THRAP3: variants seen among roughly 807,000 people sequenced by gnomAD.
THRAP3 encodes the protein thyroid hormone receptor associated protein 3, also known as thyroid hormone receptor-associated protein 3.
In THRAP3, 16 loss-of-function variants were observed where a neutral mutation model predicts 101.0. That is an observed-to-expected ratio of 0.16 (90% confidence interval 0.11 to 0.24). THRAP3 has a LOEUF of 0.24. Ranked by LOEUF, THRAP3 falls within the 10% of genes least tolerant of loss-of-function variation. The pLI is 1.00. For synonymous variants in THRAP3, 407 were observed against 422.6 expected (o/e 0.96, Z 0.45); for missense variants, 989 against 1,202.7 (o/e 0.82, Z 2.63).
intron 1 of THRAP3, among the ~76,000 whole-genome samples, chr1:36,243,607 A>G (rs892727756): frequency 2.0e-5 from 3 of 152,172 alleles, no homozygotes; most frequent in African/African-American, 7.2e-5. Context: ...CCTTCTACAC[A>G]GACACGGCAA....
chr1:36,301,576 C>A lies in THRAP3; in HGVS notation c.2526C>A (p.Gly842=). The A allele has an allele frequency of 6.2e-7, 1 of 1,613,980 alleles. No homozygotes were observed. Among genetic ancestry groups the A allele is most frequent in the South Asian group, 1.1e-5 (1 of 91,068 alleles). The change falls in exon 11 of 12, where the codon GGC becomes GGA. Residue 842 remains glycine (G), a synonymous_variant. Transcript: ENST00000354618. ...GTFQFRARGR[G]WGRGNYSGNN... is the part of the protein sequence containing the mutation. The stretch of plus-strand genomic sequence containing the variant: ...AGCAGTTTCGAGCCAGAGGAAGAGG[C>A]TGGGGCAGAGGCAACTACTCTGGGA...
intron 4 of THRAP3, chr1:36,288,793 A>C (rs2124605392): frequency 1.0e-6 from 1 of 985,478 alleles, no homozygotes. Flanking sequence ...TATCCTAAAA[A>C]TAACTTTTGT....
chr1:36,242,486 T>C (rs1430710192), intron 1 of THRAP3, among the ~76,000 whole-genome samples: 1 of 144,288 alleles, frequency 6.9e-6, no homozygotes, highest in Non-Finnish European at 1.5e-5. Flanking sequence ...GGAGTCTTGC[T>C]CTGTCGCCCA....
intron 11 of THRAP3, among the ~76,000 whole-genome samples, chr1:36,302,235 C>T (rs1353695776): frequency 1.3e-5 from 2 of 152,210 alleles, no homozygotes; most frequent in Non-Finnish European, 2.9e-5. Flanking sequence ...TGAGTGAGCT[C>T]TCTTGGCCTT....
At chr1:36,274,076 TCACACACACACACAC>T (rs1645624915) in intron 2 of THRAP3, among the ~76,000 whole-genome samples, 2 of 44,744 alleles carry the variant, frequency 4.5e-5, no homozygotes, top group Non-Finnish European at 1.3e-4. Flanking sequence ...TGTGTGTGTG[TCACACACACACACAC>T]ACACACACAC....
chr1:36,244,067 G>A (rs1557813601), intron 1 of THRAP3, among the ~76,000 whole-genome samples: 1 of 152,164 alleles, frequency 6.6e-6, no homozygotes, highest in African/African-American at 2.4e-5. Context: ...GCCGGGCAGA[G>A]GGGCTCCTTG....
intron 1 of THRAP3, among the ~76,000 whole-genome samples, chr1:36,244,226 A>C (rs1475372205): frequency 1.3e-5 from 2 of 152,244 alleles, no homozygotes. Context: ...TAACTAGGAG[A>C]ATCATAATAT....
chr1:36,241,192 CAAA>C (rs35954224), intron 1 of THRAP3, among the ~76,000 whole-genome samples: 1 of 123,302 alleles, frequency 8.1e-6, no homozygotes. Context: ...GACTCCGTTT[CAAA>C]AAAAAAAAAA....
chr1:36,240,735 T>A (rs530855089), intron 1 of THRAP3, among the ~76,000 whole-genome samples: 2 of 149,420 alleles, frequency 1.3e-5, no homozygotes, highest in African/African-American at 4.9e-5. Flanking sequence ...ATATTTTGGA[T>A]TTTTTTTTTC....
intron 2 of THRAP3, among the ~76,000 whole-genome samples, chr1:36,267,436 A>G (rs1222139848): frequency 6.6e-6 from 1 of 152,174 alleles, no homozygotes; most frequent in Non-Finnish European, 1.5e-5. Flanking sequence ...GTAAAAACAC[A>G]TGCACCAAAT....
At chr1:36,298,290 C>T (rs993501252) in intron 9 of THRAP3, among the ~76,000 whole-genome samples, 3 of 151,994 alleles carry the variant, frequency 2.0e-5, no homozygotes, top group Non-Finnish European at 4.4e-5. Flanking sequence ...AAAGAACCTG[C>T]GAATCCTCAG....
rs532515099 is a variant in THRAP3 at position 36,254,031 on chromosome 1, C to G, written c.-134-5351C>G. Among the ~76,000 whole-genome samples the G allele has an allele frequency of 3.9e-5, 6 of 152,246 alleles. No homozygotes were observed. In the East Asian group the frequency reaches 1.2e-3, roughly 29 times the overall value. On this transcript the variant is annotated intron_variant, in intron 1 of 11. Coordinates refer to ENST00000354618, the MANE Select transcript of THRAP3 (RefSeq NM_005119.4). Reference sequence around the variant, plus strand: ...GTGGTTCTTGTTGAAAAATTTCATACTCAGCCCTGAGCTTTTCAAGAAACA... The same window carrying G: ...GTGGTTCTTGTTGAAAAATTTCATAGTCAGCCCTGAGCTTTTCAAGAAACA...
chr1:36,288,353 T>C (rs781642346), intron 4 of THRAP3: 78 of 969,922 alleles, frequency 8.0e-5, no homozygotes, highest in Middle Eastern at 1.1e-3. Flanking sequence ...GTCATTCTTA[T>C]GCCTTTGGGT....
At chr1:36,209,873 T>G in the THRAP3 span, among the ~76,000 whole-genome samples, 1 of 152,262 alleles carries the variant, frequency 6.6e-6, no homozygotes, top group East Asian at 1.9e-4. Context: ...ACATCCCAAC[T>G]GCAAAAGGAA....
chr1:36,271,385 C>T (rs941470939), intron 2 of THRAP3, among the ~76,000 whole-genome samples: 1 of 151,954 alleles, frequency 6.6e-6, no homozygotes, highest in African/African-American at 2.4e-5. Flanking sequence ...CGGGTTCAAG[C>T]GATTCTCCCG....
intron 1 of THRAP3, among the ~76,000 whole-genome samples, chr1:36,242,689 G>A (rs557816398): frequency 6.6e-6 from 1 of 152,170 alleles, no homozygotes; most frequent in Non-Finnish European, 1.5e-5. Context: ...CCTGACCTGT[G>A]ATCCGCCTGC....
intron 1 of THRAP3, among the ~76,000 whole-genome samples, chr1:36,242,799 T>C (rs1479062742): frequency 6.6e-6 from 1 of 152,228 alleles, no homozygotes; most frequent in Non-Finnish European, 1.5e-5. Context: ...AGTCTTTACC[T>C]TTATGGTTTG....
intron 1 of THRAP3, among the ~76,000 whole-genome samples, chr1:36,246,853 T>A (rs960099107): frequency 6.6e-5 from 10 of 151,348 alleles, no homozygotes; most frequent in Non-Finnish European, 1.5e-4. Context: ...AATAAATAAA[T>A]AAATAAATAA....
chr1:36,209,331 A>G, the THRAP3 span, among the ~76,000 whole-genome samples: 1 of 152,138 alleles, frequency 6.6e-6, no homozygotes, highest in Non-Finnish European at 1.5e-5. Context: ...TCTCTAAGCA[A>G]GATGAAGAGT....
Sources: allele counts gnomAD v4.1 joint callset (sites outside exome capture counted in the v4.1 genomes callset), GRCh38; gene constraint gnomAD v4.1.1; transcripts MANE v1.5; gene names NCBI Gene and HGNC (gene_info 2026-07-23, HGNC 2026-07-21).